The following CCNF variants were observed in gnomAD, a reference collection of about 807,000 sequenced individuals.
CCNF encodes the protein cyclin-F.
In CCNF, 30 loss-of-function variants were observed where a neutral mutation model predicts 85.4. The ratio of observed to expected loss-of-function variants is 0.35; its 90% CI spans 0.26 to 0.48. The LOEUF is 0.48. Among genes scored for constraint, CCNF ranks in the 20% least tolerant of loss-of-function variants. The probability of loss-of-function intolerance (pLI) is 0.99; values close to 1 mark genes in which losing one functional copy is unlikely to be tolerated. For missense variants in CCNF, 919 were observed against 1,010.4 expected, an observed-to-expected ratio of 0.91 and a Z score of 1.23; for synonymous variants, 439 against 425.1, an observed-to-expected ratio of 1.03 and a Z score of -0.40.
In CCNF at chr16:2,456,990, G is replaced by C; in HGVS notation, c.2331G>C (p.Glu777Asp). 1 of 1,599,568 alleles carries C rather than the reference G, an allele frequency of 6.3e-7. No individual in the cohort carries two copies. The highest frequency in any genetic ancestry group is 2.2e-5 in the East Asian group (1 of 44,732). ...ACCTATGCATACACAGTGAGGAGGAGGACATGAACCTGGGCCTTGTGAGGC... is the reference window on the plus strand; with the variant it reads ...ACCTATGCATACACAGTGAGGAGGACGACATGAACCTGGGCCTTGTGAGGC... ...RINLCIHSEEEDMNLGLVRL is the reference protein window; with the variant it reads ...RINLCIHSEEDDMNLGLVRL Residue 777 changes from glutamate to aspartate, a missense_variant, in exon 17 of 17, where the codon GAG (glutamate) becomes GAC (aspartate). By Grantham distance (45) the Glu-to-Asp change is conservative. This residue lies in a region of CCNF where 505 missense variants were observed against 514.8 expected (regional missense o/e 0.98). Coordinates refer to ENST00000397066, the MANE Select transcript of CCNF (RefSeq NM_001761.3). This position sits in a 1 kb window ranked among gnomAD's most constrained non-coding sequence, Gnocchi z 4.5.
intron 8 of CCNF, among the ~76,000 whole-genome samples, chr16:2,440,124 C>T (rs765023445): frequency 1.3e-5 from 2 of 152,178 alleles, no homozygotes; most frequent in Non-Finnish European, 2.9e-5. Flanking sequence ...AAAATTTGTG[C>T]CATTCTTGAA....
At chr16:2,433,484 A>AT (rs1491291497) in intron 3 of CCNF, among the ~76,000 whole-genome samples, 1 of 152,220 alleles carries the variant, frequency 6.6e-6, no homozygotes, top group Middle Eastern at 3.2e-3. Flanking sequence ...CCCTGTTCAC[A>AT]TGTGCTCATG....
At chr16:2,447,474 C>G (rs2065368401) in intron 10 of CCNF, among the ~76,000 whole-genome samples, 1 of 152,034 alleles carries the variant, frequency 6.6e-6, no homozygotes, top group African/African-American at 2.4e-5. Context: ...ATCCCAGCTA[C>G]TCAGGAGGCT....
At chr16:2,439,717 T>A (rs766162997) in intron 7 of CCNF, 32 bp from the exon 8 acceptor site, 1 of 1,595,318 alleles carries the variant, frequency 6.3e-7, no homozygotes, top group Non-Finnish European at 8.6e-7. Flanking sequence ...AAGACACAGT[T>A]GTACAAAGGC....
Position 2,431,121 on chromosome 16 carries a change from T to TTCC in CCNF, c.17-7_17-5dup, listed in dbSNP as rs1168002022. 6.2e-7 allele frequency: 1 copy of TTCC among 1,612,650 alleles called. No homozygotes were observed. The highest frequency in any genetic ancestry group is 2.2e-5 in the East Asian group (1 of 44,894). ...ATCTTATCAAGGCTTCTGTCTTTTTTTCCTTCAGTGGTCCACTGTAGGTGT... is the reference window on the plus strand; with the variant it reads ...ATCTTATCAAGGCTTCTGTCTTTTTTTCCTCCTTCAGTGGTCCACTGTAGGTGT... On this transcript the variant is annotated splice_polypyrimidine_tract_variant and intron_variant, in intron 1 of 16. Transcript: ENST00000397066.
chr16:2,453,403 C>A lies in CCNF; in HGVS notation c.1588-7C>A. On this transcript the variant is annotated splice_region_variant and splice_polypyrimidine_tract_variant and intron_variant, in intron 14 of 16. Coordinates refer to ENST00000397066, the MANE Select transcript of CCNF (RefSeq NM_001761.3). This position sits in a 1 kb window ranked among gnomAD's most constrained non-coding sequence, Gnocchi z 5.6. ...CTCTGCACCCCCTAACTCTAGCTTC[C>A]CCTCAGGTGCTGAGCTACAGCCAGT... 1 of 1,613,936 alleles carries A rather than the reference C, an allele frequency of 6.2e-7. No homozygotes were observed.
At chr16:2,443,852 C>T (rs763145280) in intron 9 of CCNF, 52 bp downstream of exon 9, 2 of 1,569,464 alleles carry the variant, frequency 1.3e-6, no homozygotes, top group East Asian at 2.3e-5. Context: ...AAGCCAGCCT[C>T]CAGGGGAAGG....
Position 2,448,809 on chromosome 16 carries a change from C to T in CCNF, c.1095-46C>T, listed in dbSNP as rs138884988. On this transcript the variant is annotated intron_variant, in intron 10 of 16. Transcript: ENST00000397066. ...CTTGGGTCCCTCCGCCCCACCCCTGCCCCAGGAAGTGGGCTCCACCCTGAG... is the reference window on the plus strand; with the variant it reads ...CTTGGGTCCCTCCGCCCCACCCCTGTCCCAGGAAGTGGGCTCCACCCTGAG... 2.4e-5 allele frequency: 39 copies of T among 1,594,934 alleles called. No individual in the cohort carries two copies. The African/African-American group carries it at 4.0e-4, about 16-fold the overall frequency.
chr16:2,439,288 C>G, intron 6 of CCNF, 65 bp from the exon 7 acceptor site: 2 of 1,382,328 alleles, frequency 1.4e-6, no homozygotes, highest in South Asian at 1.3e-5. Flanking sequence ...ACGAGTGAAA[C>G]TGTCTCAAAA....
At chr16:2,442,993 T>C (rs1236473594) in intron 8 of CCNF, among the ~76,000 whole-genome samples, 4 of 112,778 alleles carry the variant, frequency 3.5e-5, no homozygotes, top group Non-Finnish European at 5.0e-5. Flanking sequence ...TTATTTATGT[T>C]AATTATATAT....
intron 15 of CCNF, 146 bp from the exon 16 acceptor site, chr16:2,455,249 T>C (rs1470751818): frequency 1.8e-6 from 2 of 1,114,056 alleles, no homozygotes; most frequent in African/African-American, 1.6e-5. Context: ...CTGTTCTAGC[T>C]TCACCGGCAT....
chr16:2,435,457 T>TA (rs2065283922), intron 3 of CCNF, among the ~76,000 whole-genome samples: 1 of 150,216 alleles, frequency 6.7e-6, no homozygotes, highest in African/African-American at 2.5e-5. Context: ...TGGTGGCACA[T>TA]GCCTGTAGTC....
chr16:2,446,523 A>G (rs1019106072), intron 10 of CCNF, among the ~76,000 whole-genome samples: 10 of 152,262 alleles, frequency 6.6e-5, no homozygotes, highest in African/African-American at 2.4e-4. Context: ...TTTGGAAATA[A>G]CGTGGAAATG....
chr16:2,449,806 C>CCTCCACCT, intron 12 of CCNF, 22 bp from the exon 13 acceptor site: 2 of 1,542,924 alleles, frequency 1.3e-6, no homozygotes, highest in Non-Finnish European at 9.0e-7. Flanking sequence ...CCCCTCCACC[C>CCTCCACCT]CTGGCCTGCT....
At chr16:2,454,092 C>T (rs1020112476) in intron 15 of CCNF, among the ~76,000 whole-genome samples, 6 of 152,182 alleles carry the variant, frequency 3.9e-5, no homozygotes, top group Non-Finnish European at 5.9e-5. Flanking sequence ...GCTGGCCCTG[C>T]GCCGTGACCC....
rs11248924 is a variant in CCNF, at chr16:2,439,969, C to T, written c.777+143C>T. On this transcript the variant is annotated intron_variant, in intron 8 of 16. Transcript: ENST00000397066. Reference sequence around the variant, plus strand: ...CCAGGATTGAGGGACACCCTAAGATCGGTTCAGCACTGGAACTGGTCCTAA... The same window carrying T: ...CCAGGATTGAGGGACACCCTAAGATTGGTTCAGCACTGGAACTGGTCCTAA... 3,432 of 689,468 alleles carry T rather than the reference C, an allele frequency of 5.0e-3. 108 individuals are homozygous for T. The African/African-American group carries it at 0.055, about 11-fold the overall frequency. 42.7% of individuals were successfully genotyped at this position (689,468 alleles called of 1,614,324 possible).
At chr16:2,448,247 G>C (rs1006132341) in intron 10 of CCNF, among the ~76,000 whole-genome samples, 2 of 152,190 alleles carry the variant, frequency 1.3e-5, no homozygotes, top group African/African-American at 4.8e-5. Flanking sequence ...CACGTGACAG[G>C]CAAATCTCTG....
rs2065381028 is a variant in CCNF, at chr16:2,449,443, C to T, written c.1380C>T (p.Ala460=). The part of the protein sequence containing the change: ...ARLAAAALLL[A]RLTHGQTQPW... ...TGGCTGCCGCAGCCCTGCTCCTGGC[C>T]AGACTGACGCACGGGCAGAGTAAGG... is the stretch of plus-strand genomic sequence containing the variant. Residue 460 remains alanine, a synonymous_variant, in exon 12 of 17, where the codon GCC becomes GCT. Transcript: ENST00000397066. 1.2e-6 allele frequency: 2 copies of T among 1,606,156 alleles called. No homozygotes were observed. The highest frequency in any genetic ancestry group is 2.7e-5 in the African/African-American group (2 of 74,928).
Position 2,456,467 on chromosome 16 carries a change from C to A in CCNF, c.1886-78C>A. 1 of 1,014,950 alleles carries A rather than the reference C, an allele frequency of 9.9e-7. No homozygotes were observed. Among genetic ancestry groups the A allele is most frequent in the South Asian group, 1.7e-5 (1 of 57,904 alleles). The allele number at this position is 1,014,950 out of a possible 1,614,324, so 62.9% of individuals were successfully genotyped here. ...GGTAGAAGATTCTTGACCTGGACTT[C>A]AGGGTCCTGACCTGGCAGGGGGTCT... On this transcript the variant is annotated intron_variant, in intron 16 of 16. Coordinates refer to ENST00000397066, the MANE Select transcript of CCNF (RefSeq NM_001761.3). The surrounding 1 kb of genome is among the most constrained non-coding windows in gnomAD (Gnocchi z 4.5).
Sources: gnomAD v4.1 joint callset for allele counts (sites outside exome capture counted in the v4.1 genomes callset) on GRCh38, gnomAD v4.1.1 for gene constraint, gnomAD v4.1.1 regional missense constraint, Gnocchi (gnomAD v3.1) non-coding constraint, MANE v1.5 for transcripts, NCBI Gene and HGNC (gene_info 2026-07-23, HGNC 2026-07-21) for gene names.